Variants in DISP2 observed in about 807,000 individuals in gnomAD.
The protein encoded by DISP2 is dispatched RND transporter family member 2, also known as protein dispatched homolog 2.
Under a neutral mutation model 95.5 loss-of-function variants are expected in DISP2, and 59 were observed. The ratio of observed to expected loss-of-function variants is 0.62; its 90% CI spans 0.50 to 0.77. The LOEUF (loss-of-function observed/expected upper bound fraction) is 0.77. Ranked by LOEUF, DISP2 falls within the 30% of genes least tolerant of loss-of-function variation. The pLI, the probability that DISP2 is intolerant of heterozygous loss-of-function variation, is 0.00. For missense variants in DISP2, 1,752 were observed against 1,854.6 expected (o/e 0.94, Z 1.02); for synonymous variants, 827 against 815.0 (o/e 1.01, Z -0.25).
Position 40,358,251 on chromosome 15 carries a change from G to GCCACCGCCGCCGCCA in DISP2, c.-57_-56insACCACCGCCGCCGCC. On this transcript the variant is annotated 5_prime_UTR_variant, in exon 1 of 8. Coordinates refer to ENST00000267889, the MANE Select transcript of DISP2 (RefSeq NM_033510.3). The stretch of plus-strand genomic sequence containing the variant: ...CGAGCACCCCGCCGCCGCTGCCGCC[G>GCCACCGCCGCCGCCA]CCACCGCCGCCGCCGCCGCCGCCGC... 9.2e-7 allele frequency: 1 copy of GCCACCGCCGCCGCCA among 1,087,314 alleles called. No homozygotes were observed. Among genetic ancestry groups the GCCACCGCCGCCGCCA allele is most frequent in the Non-Finnish European group, 1.1e-6 (1 of 889,712 alleles). The allele number at this position is 1,087,314 out of a possible 1,614,324, so 67.4% of individuals were successfully genotyped here.
At position 40,370,329 on chromosome 15, in the gene DISP2, G is replaced by A. The variant is rs756706079; in HGVS notation, c.*11G>A. On this transcript the variant is annotated 3_prime_UTR_variant, in exon 8 of 8. Transcript: ENST00000267889. ...GGCTATAGCAGCTGAGGGGGACCCG[G>A]GGAGGCTGGACAGGGCGCGGAACCC... is the stretch of plus-strand genomic sequence containing the variant. The A allele has an allele frequency of 1.3e-6, 2 of 1,520,440 alleles. No individual in the cohort carries two copies. The highest frequency in any genetic ancestry group is 1.8e-6 in the Non-Finnish European group (2 of 1,134,648). 94.2% of individuals were successfully genotyped at this position (1,520,440 alleles called of 1,614,324 possible). A position where few individuals can be genotyped will look rare whatever the true frequency, so the allele number is the denominator to read the frequency against.
In DISP2 at chr15:40,367,909, C is replaced by T. The variant is rs751740175; in HGVS notation, c.1797C>T (p.Thr599=). 2 of 1,597,000 alleles carry T rather than the reference C, an allele frequency of 1.3e-6. No homozygotes were observed. Among genetic ancestry groups the T allele is most frequent in the South Asian group, 2.2e-5 (2 of 90,626 alleles). ...FGYLLLVSGL[T]TSAAFYASYL... ...ACCTGCTGCTGGTCTCCGGCCTCAC[C>T]ACGAGCGCGGCCTTCTATGCCAGCT... Residue 599 remains threonine (T), a synonymous_variant, in exon 8 of 8, where the codon ACC becomes ACT. Transcript: ENST00000267889.
chr15:40,373,562 G>A lies in DISP2; in HGVS notation c.*3244G>A, dbSNP rs1443813006. The A allele has an allele frequency of 6.6e-6, 1 of 151,972 alleles. No individual in the cohort carries two copies. Among genetic ancestry groups the A allele is most frequent in the African/African-American group, 2.4e-5 (1 of 41,354 alleles). 9.4% of individuals were successfully genotyped at this position (151,972 alleles called of 1,614,324 possible). A position where few individuals can be genotyped will look rare whatever the true frequency, so the allele number is the denominator to read the frequency against. ...CTACTAAAAATACAAAAATTAGTTG[G>A]GCGTGGTGGGGGATGCCTGTAGTCC... is the stretch of plus-strand genomic sequence containing the variant. On this transcript the variant is annotated 3_prime_UTR_variant, in exon 8 of 8. Coordinates refer to ENST00000267889, the MANE Select transcript of DISP2 (RefSeq NM_033510.3).
intron 7 of DISP2, 72 bp from the exon 8 acceptor site, chr15:40,366,986 C>T: frequency 2.6e-6 from 4 of 1,556,356 alleles, no homozygotes; most frequent in African/African-American, 1.4e-5. Context: ...ATGAGAGAGC[C>T]TTGTATAGGA....
chr15:40,367,860 G>T lies in DISP2; in HGVS notation c.1748G>T (p.Gly583Val). The part of the protein sequence containing the change: ...LPSGGLAQRV[G>V]RTMHHFGYLL... ...TCGGGGGGGCTGGCGCAGCGCGTGG[G>T]CCGCACCATGCACCACTTCGGCTAC... The change falls in exon 8 of 8, where the codon GGC becomes GTC. Residue 583 changes from glycine to valine, a missense_variant. By Grantham distance (109) the Gly-to-Val change is moderately radical. Coordinates refer to ENST00000267889, the MANE Select transcript of DISP2 (RefSeq NM_033510.3). The T allele has an allele frequency of 6.2e-7, 1 of 1,600,024 alleles. No individual in the cohort carries two copies.
intron 1 of DISP2, among the ~76,000 whole-genome samples, chr15:40,360,681 T>G (rs1302586091): frequency 2.0e-5 from 3 of 152,182 alleles, no homozygotes; most frequent in Admixed American, 1.3e-4. Context: ...GCACCCACTC[T>G]TCTCCCGTAT....
chr15:40,368,137 G>A lies in DISP2; in HGVS notation c.2025G>A (p.Arg675=). ...GGCTACTGCTGGCGCTGCACCGGCG[G>A]CTCCGCGGCCTGCGGAGGGCGGCGG... ...PRRLLLALHR[R]LRGLRRAAAG... The change falls in exon 8 of 8, where the codon CGG becomes CGA. Residue 675 remains arginine (R), a synonymous_variant. Transcript: ENST00000267889. 4 of 1,489,764 alleles carry A rather than the reference G, an allele frequency of 2.7e-6. No homozygotes were observed. The highest frequency in any genetic ancestry group is 2.7e-6 in the Non-Finnish European group (3 of 1,127,420). The allele number at this position is 1,489,764 out of a possible 1,614,324, so 92.3% of individuals were successfully genotyped here. A position where few individuals can be genotyped will look rare whatever the true frequency, so the allele number is the denominator to read the frequency against.
rs1052191305 is a variant in DISP2, at chr15:40,368,872, C to T, written c.2760C>T (p.Thr920=). 6.2e-7 allele frequency: 1 copy of T among 1,614,038 alleles called. No individual in the cohort carries two copies. The highest frequency in any genetic ancestry group is 1.7e-5 in the Admixed American group (1 of 60,036). Residue 920 remains threonine (T), a synonymous_variant, in exon 8 of 8, where the codon ACC becomes ACT. Coordinates refer to ENST00000267889, the MANE Select transcript of DISP2 (RefSeq NM_033510.3). The stretch of plus-strand genomic sequence containing the variant: ...GGAACAGTCCGGACTACAACCAGAC[C>T]CAGCTCTTCTACAATGAGGTCAGCC... ...NFRNSPDYNQ[T]QLFYNEVSHW...
In DISP2 at chr15:40,372,120, C is replaced by T. The variant is rs1210499096; in HGVS notation, c.*1802C>T. ...CTGTGTGGAAAAACAATATATAAAA[C>T]AGGTAAAAGGCAGCTACTCTGGTGG... On this transcript the variant is annotated 3_prime_UTR_variant, in exon 8 of 8. Coordinates refer to ENST00000267889, the MANE Select transcript of DISP2 (RefSeq NM_033510.3). 6.6e-6 allele frequency: 1 copy of T among 152,110 alleles called. No homozygotes were observed. The highest frequency in any genetic ancestry group is 1.9e-4 in the East Asian group (1 of 5,198). The allele number at this position is 152,110 out of a possible 1,614,324, so 9.4% of individuals were successfully genotyped here. A position where few individuals can be genotyped will look rare whatever the true frequency, so the allele number is the denominator to read the frequency against.
Position 40,376,856 on chromosome 15 carries a change from G to A in DISP2, c.*6538G>A, listed in dbSNP as rs369415544. 15 of 152,252 alleles carry A rather than the reference G, an allele frequency of 9.9e-5. No individual in the cohort carries two copies. The highest frequency in any genetic ancestry group is 3.6e-4 in the African/African-American group (15 of 41,542). The allele number at this position is 152,252 out of a possible 1,614,324, so 9.4% of individuals were successfully genotyped here. ...ACTGAAAGTGAGATGGTTGACACAG[G>A]ATACATATTAACCACATTGATTTGA... On this transcript the variant is annotated 3_prime_UTR_variant, in exon 8 of 8. Coordinates refer to ENST00000267889, the MANE Select transcript of DISP2 (RefSeq NM_033510.3).
At chr15:40,362,114 T>G (rs200986528) in intron 1 of DISP2, among the ~76,000 whole-genome samples, 1 of 152,174 alleles carries the variant, frequency 6.6e-6, no homozygotes, top group Non-Finnish European at 1.5e-5. Flanking sequence ...AGAAGACTCT[T>G]GCTAACTCTT....
intron 5 of DISP2, 84 bp from the exon 6 acceptor site, chr15:40,365,063 A>G: frequency 6.3e-7 from 1 of 1,585,578 alleles, no homozygotes; most frequent in Non-Finnish European, 8.6e-7. Flanking sequence ...CTTGCCAAGG[A>G]AGGCTCCCTG....
intron 1 of DISP2, among the ~76,000 whole-genome samples, chr15:40,362,284 C>G (rs2141259161): frequency 6.6e-6 from 1 of 152,318 alleles, no homozygotes; most frequent in East Asian, 1.9e-4. Flanking sequence ...CACCCCACCC[C>G]CTGTCAAAGT....
rs143277485 is a variant in DISP2, at chr15:40,365,198, G to A, written c.771G>A (p.Glu257=). 3 of 1,614,198 alleles carry A rather than the reference G, an allele frequency of 1.9e-6. No individual in the cohort carries two copies. Among genetic ancestry groups the A allele is most frequent in the Non-Finnish European group, 2.5e-6 (3 of 1,180,040 alleles). Residue 257 remains glutamate, a synonymous_variant, in exon 6 of 8, where the codon GAG becomes GAA. Coordinates refer to ENST00000267889, the MANE Select transcript of DISP2 (RefSeq NM_033510.3). ...CTGCACCCAGAGGCAGTGCCCAGGA[G>A]AGCGCTGTCCGGCCTCGGAGAATGG... ...LRPAPRGSAQ[E]SAVRPRRMVE... is the part of the protein sequence containing the mutation.
rs191641179 is a variant in DISP2 at position 40,368,806 on chromosome 15, C to T, written c.2694C>T (p.Gly898=). 444 of 1,613,960 alleles carry T rather than the reference C, an allele frequency of 2.8e-4. 2 individuals carry two copies. The East Asian group carries it at 7.8e-3, about 28-fold the overall frequency. ...TGGGACTCCGCTTTGATGCCCATGG[C>T]AGCCTGGCCGCCCTGGTCCTACAAT... is the stretch of plus-strand genomic sequence containing the variant. The part of the protein sequence containing the change: ...QDLGLRFDAH[G]SLAALVLQFQ... Residue 898 remains glycine, a synonymous_variant, in exon 8 of 8, where the codon GGC becomes GGT. Coordinates refer to ENST00000267889, the MANE Select transcript of DISP2 (RefSeq NM_033510.3).
rs1186638480 is a variant in DISP2, at chr15:40,377,078, A to T, written c.*6760A>T. 2.0e-5 allele frequency: 3 copies of T among 152,154 alleles called. No individual in the cohort carries two copies. Among genetic ancestry groups the T allele is most frequent in the Admixed American group, 2.0e-4 (3 of 15,272 alleles). 9.4% of individuals were successfully genotyped at this position (152,154 alleles called of 1,614,324 possible). ...GGTGGCTCATGCCTGTAATCCCAAC[A>T]CTTTGGGAGGCCTAGGCGGGCAGAT... On this transcript the variant is annotated 3_prime_UTR_variant, in exon 8 of 8. Transcript: ENST00000267889.
At chr15:40,364,375 C>T (rs1357957939) in intron 3 of DISP2, 46 bp from the exon 4 acceptor site, 23 of 1,613,288 alleles carry the variant, frequency 1.4e-5, no homozygotes, top group East Asian at 1.1e-4. Context: ...GCTCAGCACC[C>T]GTTGCTACCA....
In DISP2 at chr15:40,367,923, T is replaced by C. The variant is rs1366640593; in HGVS notation, c.1811T>C (p.Phe604Ser). The change falls in exon 8 of 8, where the codon TTC (phenylalanine) becomes TCC (serine). Residue 604 changes from phenylalanine (F) to serine (S), a missense_variant. Phe to Ser is a radical substitution (Grantham distance 155). Coordinates refer to ENST00000267889, the MANE Select transcript of DISP2 (RefSeq NM_033510.3). ...LVSGLTTSAAFYASYLSRLPA... is the reference protein window; with the variant it reads ...LVSGLTTSAASYASYLSRLPA... The stretch of plus-strand genomic sequence containing the variant: ...TCCGGCCTCACCACGAGCGCGGCCT[T>C]CTATGCCAGCTACCTGAGCCGCCTG... The C allele has an allele frequency of 3.1e-6, 5 of 1,595,156 alleles. No homozygotes were observed. The East Asian group carries it at 1.1e-4, about 36-fold the overall frequency.
Position 40,367,639 on chromosome 15 carries a change from A to T in DISP2, c.1527A>T (p.Ser509=), listed in dbSNP as rs772734830. Residue 509 remains serine (S), a synonymous_variant, in exon 8 of 8, where the codon TCA becomes TCT. Coordinates refer to ENST00000267889, the MANE Select transcript of DISP2 (RefSeq NM_033510.3). The part of the protein sequence containing the change: ...IFFGMALYLR[S]LFLTLMVLLG... ...TCGGCATGGCCCTGTACCTGCGCTC[A>T]CTCTTCCTCACGCTCATGGTGCTGC... 1.2e-5 allele frequency: 19 copies of T among 1,613,400 alleles called. No individual in the cohort carries two copies. The highest frequency in any genetic ancestry group is 2.7e-5 in the African/African-American group (2 of 74,710).
Sources: gnomAD v4.1 joint callset for allele counts (sites outside exome capture counted in the v4.1 genomes callset) on GRCh38, gnomAD v4.1.1 for gene constraint, MANE v1.5 for transcripts, NCBI Gene and HGNC (gene_info 2026-07-23, HGNC 2026-07-21) for gene names.